The following NCOR1 variants were observed in gnomAD, a reference collection of about 807,000 sequenced individuals.
NCOR1 encodes the protein nuclear receptor corepressor 1.
NCOR1 carries 63 observed loss-of-function variants against 288.1 expected under a neutral mutation model. The ratio of observed to expected loss-of-function variants is 0.22; its 90% confidence interval spans 0.18 to 0.27. The LOEUF (loss-of-function observed/expected upper bound fraction) is 0.27. Ranked by LOEUF, NCOR1 falls within the 10% of genes least tolerant of loss-of-function variation. The pLI is 1.00. For missense variants in NCOR1, 2,397 were observed against 3,019.2 expected, an observed-to-expected ratio of 0.79 and a Z score of 4.83; for synonymous variants, 1,007 against 1,065.9, an observed-to-expected ratio of 0.94 and a Z score of 1.08.
intron 1 of NCOR1, among the ~76,000 whole-genome samples, chr17:16,206,293 T>TTC (rs1178621869): frequency 6.6e-6 from 1 of 151,654 alleles, no homozygotes; most frequent in Non-Finnish European, 1.5e-5. Flanking sequence ...TGCATAAATA[T>TTC]TCACACACAC....
chr17:16,033,180 A>T (rs909700222), intron 45 of NCOR1, among the ~76,000 whole-genome samples: 2 of 151,922 alleles, frequency 1.3e-5, no homozygotes, highest in African/African-American at 2.4e-5. Context: ...ACCCCATCTT[A>T]CAAAATTAGC....
chr17:16,038,598 A>G (rs1332118438), intron 44 of NCOR1, among the ~76,000 whole-genome samples: 1 of 151,930 alleles, frequency 6.6e-6, no homozygotes, highest in Non-Finnish European at 1.5e-5. Flanking sequence ...CACCACACCC[A>G]GCTAATTTTT....
intron 19 of NCOR1, among the ~76,000 whole-genome samples, chr17:16,106,610 A>G (rs1002515431): frequency 2.0e-5 from 3 of 151,952 alleles, no homozygotes; most frequent in East Asian, 3.9e-4. Flanking sequence ...TCGTTCTTCA[A>G]TTGGCAAGAG....
chr17:16,045,806 A>C (rs1255893485), intron 42 of NCOR1, among the ~76,000 whole-genome samples: 1 of 150,722 alleles, frequency 6.6e-6, no homozygotes, highest in Non-Finnish European at 1.5e-5. Flanking sequence ...ACACCCAGAC[A>C]ATTTAAAAAA....
intron 3 of NCOR1, among the ~76,000 whole-genome samples, chr17:16,185,054 G>A (rs1025441364): frequency 7.1e-6 from 1 of 141,650 alleles, no homozygotes; most frequent in Non-Finnish European, 1.5e-5. Flanking sequence ...GAACAAAACA[G>A]TGCTAACAGT....
chr17:16,158,913 C>T (rs767663052), intron 5 of NCOR1, 40 bp from the exon 6 acceptor site: 1 of 1,402,728 alleles, frequency 7.1e-7, no homozygotes, highest in South Asian at 1.2e-5. Context: ...ATGTGCTGCA[C>T]ACCACACCCA....
intron 23 of NCOR1, among the ~76,000 whole-genome samples, chr17:16,086,049 T>A (rs1175366132): frequency 6.6e-6 from 1 of 152,188 alleles, no homozygotes; most frequent in Non-Finnish European, 1.5e-5. Context: ...CCAAGTGTAA[T>A]TAAATGGGTG....
intron 1 of NCOR1, among the ~76,000 whole-genome samples, chr17:16,212,999 G>A (rs1430806833): frequency 6.8e-6 from 1 of 147,326 alleles, no homozygotes; most frequent in African/African-American, 2.5e-5. Context: ...CCTGAGTCCA[G>A]AGGTCAAGGC....
chr17:16,039,714 T>TG, intron 43 of NCOR1, 60 bp from the exon 44 acceptor site: 1 of 1,442,678 alleles, frequency 6.9e-7, no homozygotes, highest in East Asian at 2.4e-5. Flanking sequence ...GAAACAAACA[T>TG]GCATTGCCCC....
intron 42 of NCOR1, 117 bp downstream of exon 42, chr17:16,046,834 G>T: frequency 8.3e-7 from 1 of 1,209,936 alleles, no homozygotes; most frequent in Non-Finnish European, 1.2e-6. Flanking sequence ...GATCAGATGT[G>T]TTGGACAGAT....
intron 20 of NCOR1, among the ~76,000 whole-genome samples, chr17:16,099,458 T>G (rs2067221918): frequency 6.6e-6 from 1 of 152,236 alleles, no homozygotes; most frequent in Admixed American, 6.5e-5. Flanking sequence ...TTGAAAGTGT[T>G]ATTTCGGTCA....
chr17:16,140,638 A>C (rs2077011584), intron 11 of NCOR1, among the ~76,000 whole-genome samples: 1 of 152,134 alleles, frequency 6.6e-6, no homozygotes, highest in South Asian at 2.1e-4. Context: ...ACATGGCAAA[A>C]CCCTGTTTCT....
chr17:16,085,767 A>G (rs768561303), intron 23 of NCOR1, among the ~76,000 whole-genome samples: 3 of 152,234 alleles, frequency 2.0e-5, no homozygotes, highest in African/African-American at 4.8e-5. Flanking sequence ...GAAGTGTTCA[A>G]TAAGTTGACA....
At position 16,101,690 on chromosome 17, in the gene NCOR1, C is replaced by T. The variant is rs200458310; in HGVS notation, c.2250G>A (p.Ala750=). Residue 750 remains alanine, a synonymous_variant, in exon 20 of 46, where the codon GCG becomes GCA. Coordinates refer to ENST00000268712, the MANE Select transcript of NCOR1 (RefSeq NM_006311.4). ...NATSRGNTEP[A]VELEPTTETA... Reference sequence around the variant, plus strand: ...TTTCCGTGGTGGGCTCAAGCTCAACCGCAGGTTCTGTGTTTCCTCGAGAAG... The same window carrying T: ...TTTCCGTGGTGGGCTCAAGCTCAACTGCAGGTTCTGTGTTTCCTCGAGAAG... 1.7e-4 allele frequency: 282 copies of T among 1,614,066 alleles called. 1 individual carries two copies. The highest frequency in any genetic ancestry group is 1.2e-3 in the Middle Eastern group (7 of 6,084).
intron 1 of NCOR1, among the ~76,000 whole-genome samples, chr17:16,214,941 G>A (rs2092425090): frequency 6.6e-6 from 1 of 152,206 alleles, no homozygotes; most frequent in Non-Finnish European, 1.5e-5. Flanking sequence ...AACCTCCGCA[G>A]CCCCTTCTAC....
intron 2 of NCOR1, chr17:16,192,224 C>G (rs1452120842): frequency 6.6e-6 from 1 of 150,722 alleles, no homozygotes; most frequent in Non-Finnish European, 1.5e-5. Flanking sequence ...TAAAAAGTAA[C>G]CAGAGGAGAC....
chr17:16,170,840 CAAAA>C (rs556473992), intron 4 of NCOR1, among the ~76,000 whole-genome samples: 1 of 73,978 alleles, frequency 1.4e-5, no homozygotes, highest in Non-Finnish European at 2.7e-5. Flanking sequence ...GACTCCATCT[CAAAA>C]AAAAAAAAAA....
chr17:16,073,454 C>T lies in NCOR1; in HGVS notation c.3786G>A (p.Glu1262=). The T allele has an allele frequency of 6.2e-7, 1 of 1,608,292 alleles. No individual in the cohort carries two copies. The highest frequency in any genetic ancestry group is 8.5e-7 in the Non-Finnish European group (1 of 1,177,410). ...CCTCTAACGGTGCTGATACAGGAGACTCCCTCATTGACATCCCTTGCTTTA... is the reference window on the plus strand; with the variant it reads ...CCTCTAACGGTGCTGATACAGGAGATTCCCTCATTGACATCCCTTGCTTTA... The part of the protein sequence containing the change: ...GNIKQGMSMR[E]SPVSAPLEGL... Residue 1262 remains glutamate (E), a synonymous_variant, in exon 28 of 46, where the codon GAG becomes GAA. Transcript: ENST00000268712.
intron 33 of NCOR1, 72 bp from the exon 34 acceptor site, chr17:16,065,091 T>C: frequency 7.1e-7 from 1 of 1,412,082 alleles, no homozygotes; most frequent in South Asian, 1.3e-5. Context: ...ACTTTGGATT[T>C]TGTCTATCTC....
Sources: gnomAD v4.1 joint callset for allele counts (sites outside exome capture counted in the v4.1 genomes callset) on GRCh38, gnomAD v4.1.1 for gene constraint, MANE v1.5 for transcripts, NCBI Gene and HGNC (gene_info 2026-07-23, HGNC 2026-07-21) for gene names.